The following MORN1 variants were observed in gnomAD, a reference collection of about 807,000 sequenced individuals.
MORN1 encodes the protein MORN repeat-containing protein 1.
Under a neutral mutation model 61.9 loss-of-function variants are expected in MORN1, and 67 were observed. The ratio of observed to expected loss-of-function variants is 1.08; its 90% CI spans 0.89 to 1.33. MORN1 has a LOEUF of 1.33. MORN1 is among the 40% of genes most tolerant of loss of function. The pLI, the probability that MORN1 is intolerant of heterozygous loss-of-function variation, is 0.00. For missense variants in MORN1, 752 were observed against 691.2 expected (o/e 1.09, Z -0.99); for synonymous variants, 301 against 292.0 (o/e 1.03, Z -0.31).
chr1:2,385,101 G>C (rs368922597), intron 5 of MORN1, 36 bp from the exon 6 acceptor site: 2 of 1,554,628 alleles, frequency 1.3e-6, no homozygotes, highest in African/African-American at 2.7e-5. Context: ...CTCTCAACAG[G>C]GGGAGCCGGG....
At chr1:2,328,376 CAG>C (rs1355571770) in intron 12 of MORN1, among the ~76,000 whole-genome samples, 4 of 152,212 alleles carry the variant, frequency 2.6e-5, no homozygotes, top group Admixed American at 6.5e-5. Flanking sequence ...GCCTGGGAGT[CAG>C]AGAGTCCAGG....
intron 10 of MORN1, chr1:2,351,864 G>T: frequency 2.0e-6 from 1 of 508,760 alleles, no homozygotes. Flanking sequence ...GGTCACGACT[G>T]CCGTTCCCCC....
intron 8 of MORN1, among the ~76,000 whole-genome samples, chr1:2,366,607 T>G (rs1233886250): frequency 6.6e-6 from 1 of 152,208 alleles, no homozygotes; most frequent in Non-Finnish European, 1.5e-5. Flanking sequence ...CACTGCAACC[T>G]CCGCCTCCCA....
chr1:2,336,678 T>A (rs753480530), intron 11 of MORN1, 39 bp downstream of exon 11: 16 of 1,551,916 alleles, frequency 1.0e-5, no homozygotes, highest in Non-Finnish European at 1.4e-5. Context: ...ATAGTCTGAG[T>A]GATGTGGGGT....
At chr1:2,354,083 G>A (rs532762305) in intron 10 of MORN1, among the ~76,000 whole-genome samples, 5 of 152,222 alleles carry the variant, frequency 3.3e-5, no homozygotes, top group East Asian at 1.9e-4. Context: ...TCAGGAGTTC[G>A]AGACCATCCT....
At chr1:2,335,368 C>T (rs10910052) in intron 12 of MORN1, among the ~76,000 whole-genome samples, 26,168 of 152,116 alleles carry the variant, frequency 0.17, 2,991 homozygotes, top group African/African-American at 0.33. Context: ...CTCACACTCA[C>T]GTCCGCTTCT....
At chr1:2,355,297 G>T (rs1463137929) in intron 10 of MORN1, 1 of 1,459,978 alleles carries the variant, frequency 6.8e-7, no homozygotes, top group African/African-American at 1.4e-5. Context: ...TGGGCCTGTT[G>T]GCCTGAGGCT....
At chr1:2,338,063 C>G (rs921606392) in intron 10 of MORN1, among the ~76,000 whole-genome samples, 1 of 152,034 alleles carries the variant, frequency 6.6e-6, no homozygotes, top group Non-Finnish European at 1.5e-5. Flanking sequence ...CATGGGGCCC[C>G]GGGGCAGCCC....
rs766914621 is a variant in MORN1 at position 2,384,980 on chromosome 1, T to C, written c.535A>G (p.Lys179Glu). Residue 179 changes from lysine to glutamate, a missense_variant and splice_region_variant, in exon 6 of 14, where the codon AAG becomes GAG. Physicochemically the swap from Lys to Glu is moderately conservative, Grantham distance 56. Transcript: ENST00000378531. The part of the protein sequence containing the change: ...VLRCADGSTY[K>E]GQWHSDVFSG... ...AGGTGCCGCGCGCCCCCGGGTACCTTGTAGGTGGAGCCGTCGGCGCAGCGC... is the reference window on the plus strand; with the variant it reads ...AGGTGCCGCGCGCCCCCGGGTACCTCGTAGGTGGAGCCGTCGGCGCAGCGC... The C allele has an allele frequency of 6.3e-6, 10 of 1,575,810 alleles. No homozygotes were observed. The African/African-American group carries it at 1.1e-4, about 17-fold the overall frequency.
intron 10 of MORN1, among the ~76,000 whole-genome samples, chr1:2,348,657 ACGCACGCACACGCACACCTG>A (rs1641571050): frequency 6.7e-6 from 1 of 149,668 alleles, no homozygotes; most frequent in Non-Finnish European, 1.5e-5. Context: ...GCACGCACAC[ACGCACGCACACGCACACCTG>A]CGCAGGCACG....
At chr1:2,347,175 G>A (rs1382347430) in intron 10 of MORN1, among the ~76,000 whole-genome samples, 1 of 152,214 alleles carries the variant, frequency 6.6e-6, no homozygotes, top group Non-Finnish European at 1.5e-5. Flanking sequence ...CAGCTTTGCT[G>A]GGGGAGGTGG....
Position 2,321,496 on chromosome 1 carries a change from C to A in MORN1, c.1381G>T (p.Val461Phe), listed in dbSNP as rs1217029462. ...RLPPAFKHLR[V>F]VAKRAGQPPH... ...GGCTGGCCAGCCCTCTTCGCTACGA[C>A]CCGCAGGTGTTTGAAGGCCGGGGGC... is the stretch of plus-strand genomic sequence containing the variant. Residue 461 changes from valine to phenylalanine, a missense_variant, in exon 14 of 14, where the codon GTC (valine) becomes TTC (phenylalanine). Val to Phe is a conservative substitution (Grantham distance 50, BLOSUM62 -1). Coordinates refer to ENST00000378531, the MANE Select transcript of MORN1 (RefSeq NM_024848.3). 1.3e-6 allele frequency: 2 copies of A among 1,528,330 alleles called. No individual in the cohort carries two copies. Among genetic ancestry groups the A allele is most frequent in the East Asian group, 2.4e-5 (1 of 41,102 alleles). The allele number at this position is 1,528,330 out of a possible 1,614,324, so 94.7% of individuals were successfully genotyped here.
intron 8 of MORN1, among the ~76,000 whole-genome samples, chr1:2,363,805 C>A (rs1238713459): frequency 2.5e-4 from 31 of 124,880 alleles, no homozygotes; most frequent in East Asian, 1.2e-3. Flanking sequence ...AACAAACAAA[C>A]AAAAAAATAT....
intron 10 of MORN1, among the ~76,000 whole-genome samples, chr1:2,355,643 C>A (rs944712437): frequency 2.0e-4 from 30 of 152,314 alleles, no homozygotes; most frequent in African/African-American, 6.7e-4. Flanking sequence ...AGTCACGGAA[C>A]CTTAGGGAGA....
At chr1:2,325,140 C>CTCCCTTCCTTCCT (rs1553205809) in intron 12 of MORN1, among the ~76,000 whole-genome samples, 4 of 6,696 alleles carry the variant, frequency 6.0e-4, no homozygotes, top group African/African-American at 9.1e-4. Flanking sequence ...CCTTCCCTCC[C>CTCCCTTCCTTCCT]TCCCTCCCTT....
intron 6 of MORN1, chr1:2,377,862 C>T (rs1301642606): frequency 6.6e-6 from 1 of 152,294 alleles, no homozygotes; most frequent in Non-Finnish European, 1.5e-5. Flanking sequence ...CATTGCCAAA[C>T]CTTGGGCATC....
chr1:2,348,942 C>T (rs1274624368), intron 10 of MORN1, among the ~76,000 whole-genome samples: 2 of 146,502 alleles, frequency 1.4e-5, no homozygotes, highest in Admixed American at 1.5e-4. Context: ...AACCCCCAGT[C>T]CACACCCCTG....
At chr1:2,391,325 G>T in intron 1 of MORN1, 133 bp downstream of exon 1, 1 of 1,066,684 alleles carries the variant, frequency 9.4e-7, no homozygotes, top group Non-Finnish European at 1.2e-6. Context: ...CGCGGGGGCG[G>T]CCCTGGCTCC....
intron 3 of MORN1, chr1:2,387,739 G>C (rs1043104039): frequency 1.7e-6 from 1 of 577,262 alleles, no homozygotes; most frequent in Admixed American, 2.9e-5. Flanking sequence ...ACAGCCCCAG[G>C]CAGACACTCT....
Sources: gnomAD v4.1 joint callset for allele counts (sites outside exome capture counted in the v4.1 genomes callset) on GRCh38, gnomAD v4.1.1 for gene constraint, MANE v1.5 for transcripts, NCBI Gene and HGNC (gene_info 2026-07-23, HGNC 2026-07-21) for gene names.